Variants in PHLDB2 observed in about 807,000 individuals in gnomAD.
The protein encoded by PHLDB2 is pleckstrin homology like domain family B member 2, also known as pleckstrin homology-like domain family B member 2.
In PHLDB2, 71 loss-of-function variants were observed where a neutral mutation model predicts 123.6. The observed-to-expected ratio is 0.57, with a 90% CI of 0.47 to 0.70. PHLDB2 has a LOEUF of 0.70. PHLDB2 is among the 30% of genes least tolerant of loss of function. The probability of loss-of-function intolerance (pLI) is 0.00; values close to 1 mark genes in which losing one functional copy is unlikely to be tolerated. For synonymous variants in PHLDB2, 547 were observed against 541.6 expected (o/e 1.01, Z -0.14); for missense variants, 1,446 against 1,519.5 (o/e 0.95, Z 0.80).
At chr3:111,973,638 T>C in intron 16 of PHLDB2, 94 bp from the exon 17 acceptor site, 1 of 683,286 alleles carries the variant, frequency 1.5e-6, no homozygotes, top group Non-Finnish European at 2.4e-6. Context: ...TTAAATACTT[T>C]GTAAATATTT....
rs943918939 is a variant in PHLDB2 at position 111,830,432 on chromosome 3, A to T, written c.-48-15389A>T. Reference sequence around the variant, plus strand: ...TCATATGGCTTGATAACAGTGATTTAAAAAAAAGAATATATGTGGCTTCAT... The same window carrying T: ...TCATATGGCTTGATAACAGTGATTTTAAAAAAAGAATATATGTGGCTTCAT... On this transcript the variant is annotated intron_variant, in intron 1 of 17. Coordinates refer to the PHLDB2 transcript ENST00000393923. Among the ~76,000 whole-genome samples, 9 of 150,400 alleles carry T rather than the reference A, an allele frequency of 6.0e-5. No homozygotes were observed. The East Asian group carries it at 1.2e-3, about 20-fold the overall frequency.
At chr3:111,748,160 C>T (rs2059710515) in intron 1 of PHLDB2, among the ~76,000 whole-genome samples, 1 of 152,156 alleles carries the variant, frequency 6.6e-6, no homozygotes, top group African/African-American at 2.4e-5. Flanking sequence ...GCAAAATAGA[C>T]CCAAGATGGC....
intron 1 of PHLDB2, among the ~76,000 whole-genome samples, chr3:111,829,859 T>A (rs952968156): frequency 4.0e-5 from 6 of 150,296 alleles, no homozygotes; most frequent in African/African-American, 1.5e-4. Context: ...CTCACAATAC[T>A]TTTTTTTGTT....
At chr3:111,767,690 T>G (rs1436833713) in intron 1 of PHLDB2, among the ~76,000 whole-genome samples, 1 of 152,216 alleles carries the variant, frequency 6.6e-6, no homozygotes, top group Non-Finnish European at 1.5e-5. Flanking sequence ...AAATGATGAT[T>G]ATTATAACTG....
In PHLDB2 at chr3:111,971,520, A is replaced by C. The variant is rs566397165; in HGVS notation, c.3535+1611A>C. On this transcript the variant is annotated intron_variant, in intron 16 of 17. Transcript: ENST00000431670. ...ATTTAAAAAAACAGACAAAAATTAC[A>C]TTTCATTTGCTTTTTAATATGTATT... is the stretch of plus-strand genomic sequence containing the variant. 1.1e-3 allele frequency among the ~76,000 whole-genome samples: 168 copies of C among 152,316 alleles called. 2 individuals carry two copies. Among genetic ancestry groups the C allele is most frequent in the African/African-American group, 3.9e-3 (163 of 41,578 alleles).
At chr3:111,907,768 A>C (rs1416984475) in intron 2 of PHLDB2, among the ~76,000 whole-genome samples, 1 of 152,108 alleles carries the variant, frequency 6.6e-6, no homozygotes, top group Non-Finnish European at 1.5e-5. Flanking sequence ...TGGGGATTAC[A>C]GGTGTGAGCC....
chr3:111,973,284 A>G (rs1465354804), intron 16 of PHLDB2, among the ~76,000 whole-genome samples: 1 of 152,270 alleles, frequency 6.6e-6, no homozygotes, highest in African/African-American at 2.4e-5. Flanking sequence ...TAGGAAATAA[A>G]TATGGGTAGA....
At chr3:111,817,487 A>T (rs2062141415) in intron 1 of PHLDB2, among the ~76,000 whole-genome samples, 1 of 152,216 alleles carries the variant, frequency 6.6e-6, no homozygotes. Context: ...TAATAGAAGA[A>T]AATCATTAGA....
intron 2 of PHLDB2, among the ~76,000 whole-genome samples, chr3:111,886,104 G>A (rs930884640): frequency 6.6e-6 from 1 of 152,200 alleles, no homozygotes; most frequent in African/African-American, 2.4e-5. Flanking sequence ...ACAAACAACT[G>A]CATTTTTCCT....
intron 6 of PHLDB2, among the ~76,000 whole-genome samples, chr3:111,938,061 G>A (rs1370711271): frequency 6.6e-6 from 1 of 152,046 alleles, no homozygotes; most frequent in Non-Finnish European, 1.5e-5. Flanking sequence ...GAGAGTGGTG[G>A]TGTTTAACCT....
At chr3:111,789,833 C>T (rs2060839590) in intron 1 of PHLDB2, among the ~76,000 whole-genome samples, 1 of 152,232 alleles carries the variant, frequency 6.6e-6, no homozygotes, top group Non-Finnish European at 1.5e-5. Flanking sequence ...TTGTTTGGCC[C>T]TTGTCTTTAG....
At chr3:111,879,700 G>A (rs549499265) in intron 1 of PHLDB2, among the ~76,000 whole-genome samples, 2 of 152,080 alleles carry the variant, frequency 1.3e-5, no homozygotes, top group South Asian at 4.2e-4. Flanking sequence ...TTTTTTATGG[G>A]ACCAATCCTT....
chr3:111,755,848 T>G (rs1159311716), intron 1 of PHLDB2, among the ~76,000 whole-genome samples: 6 of 151,162 alleles, frequency 4.0e-5, no homozygotes, highest in African/African-American at 1.5e-4. Context: ...TCTGGTATGT[T>G]GTGTCTTTGT....
intron 2 of PHLDB2, among the ~76,000 whole-genome samples, chr3:111,887,181 T>A (rs556206326): frequency 3.1e-4 from 47 of 152,352 alleles, no homozygotes; most frequent in African/African-American, 1.1e-3. Flanking sequence ...CTGGTATGGT[T>A]CTTGGCAATC....
At chr3:111,823,029 C>T (rs1409578132) in intron 1 of PHLDB2, among the ~76,000 whole-genome samples, 1 of 152,212 alleles carries the variant, frequency 6.6e-6, no homozygotes, top group African/African-American at 2.4e-5. Flanking sequence ...ATGTCTGTAT[C>T]ACATGGTCAA....
At chr3:111,757,739 A>T (rs1262603312) in intron 1 of PHLDB2, among the ~76,000 whole-genome samples, 1 of 152,204 alleles carries the variant, frequency 6.6e-6, no homozygotes. Flanking sequence ...GGTGATGTAC[A>T]GATGGGTTTT....
chr3:111,866,014 A>ATTTTTTCTTTTTTTTT (rs2065053499), intron 1 of PHLDB2, among the ~76,000 whole-genome samples: 1 of 57,430 alleles, frequency 1.7e-5, no homozygotes, highest in Non-Finnish European at 3.0e-5. Flanking sequence ...CCACCCACTC[A>ATTTTTTCTTTTTTTTT]TTTTTTTTTT....
chr3:111,952,731 C>T lies in PHLDB2; in HGVS notation c.2772+19C>T. 6.2e-7 allele frequency: 1 copy of T among 1,603,378 alleles called. No individual in the cohort carries two copies. On this transcript the variant is annotated intron_variant, in intron 11 of 17. Coordinates refer to ENST00000431670, the MANE Select transcript of PHLDB2 (RefSeq NM_001134438.2). ...CCCAAAGGTAGGACCTGGGAGAAAC[C>T]ACGGGCTTCCCATTCCATGAGTCTT...
intron 1 of PHLDB2, among the ~76,000 whole-genome samples, chr3:111,877,204 T>A (rs2065675261): frequency 6.6e-6 from 1 of 152,258 alleles, no homozygotes; most frequent in South Asian, 2.1e-4. Context: ...AAAGTGTTCC[T>A]ATTTCTCCAC....
Sources: allele counts gnomAD v4.1 joint callset (sites outside exome capture counted in the v4.1 genomes callset), GRCh38; gene constraint gnomAD v4.1.1; transcripts MANE v1.5; gene names NCBI Gene and HGNC (gene_info 2026-07-23, HGNC 2026-07-21).